The following UNC79 variants were observed in gnomAD, a reference collection of about 807,000 sequenced individuals.
The protein encoded by UNC79 is protein unc-79 homolog.
UNC79 carries 37 observed loss-of-function variants against 283.1 expected under a neutral mutation model. The ratio of observed to expected loss-of-function variants is 0.13; its 90% CI spans 0.10 to 0.17. The LOEUF (loss-of-function observed/expected upper bound fraction) is 0.17. Among genes scored for constraint, UNC79 ranks in the 10% least tolerant of loss-of-function variants. UNC79 has a pLI of 1.00. For missense variants in UNC79, 2,272 were observed against 3,211.1 expected (o/e 0.71, Z 7.07); for synonymous variants, 1,107 against 1,200.2 (o/e 0.92, Z 1.61).
intron 4 of UNC79, among the ~76,000 whole-genome samples, chr14:93,482,443 A>G (rs2058189768): frequency 1.3e-5 from 2 of 152,068 alleles, no homozygotes; most frequent in Non-Finnish European, 2.9e-5. Context: ...TGTTTAACTG[A>G]TAATGCCCTT....
intron 38 of UNC79, among the ~76,000 whole-genome samples, chr14:93,657,207 G>A (rs946209464): frequency 6.6e-6 from 1 of 152,260 alleles, no homozygotes; most frequent in South Asian, 2.1e-4. Context: ...CTGTGTATGT[G>A]TATAGCTACT....
chr14:93,459,314 C>T (rs1049529668), intron 1 of UNC79, among the ~76,000 whole-genome samples: 3 of 152,156 alleles, frequency 2.0e-5, no homozygotes, highest in Non-Finnish European at 4.4e-5. Context: ...TGAAAGGGGT[C>T]TGATTTTTCA....
intron 14 of UNC79, among the ~76,000 whole-genome samples, chr14:93,566,790 A>G (rs6575341): frequency 0.61 from 92,079 of 151,536 alleles, 28,619 homozygotes; most frequent in African/African-American, 0.65. Flanking sequence ...GGCACACACC[A>G]CCATGTCCAG....
intron 8 of UNC79, among the ~76,000 whole-genome samples, chr14:93,526,281 G>A (rs914274099): frequency 1.3e-5 from 2 of 152,150 alleles, no homozygotes; most frequent in African/African-American, 2.4e-5. Context: ...TTTACAGTGT[G>A]AGTCCGCCCA....
At chr14:93,706,715 G>A (rs369699711) in exon 49 of UNC79, 12 of 1,614,084 alleles carry the variant, frequency 7.4e-6, no homozygotes, top group South Asian at 2.2e-5. Flanking sequence ...ACTTATCTGC[G>A]GGACTCCAGC....
At position 93,690,498 on chromosome 14, in the gene UNC79, A is replaced by C; in HGVS notation, c.7272+195A>C. On this transcript the variant is annotated intron_variant, in intron 45 of 48. Coordinates refer to ENST00000555664, the Ensembl canonical transcript of UNC79. The surrounding 1 kb of genome is among the most constrained non-coding windows in gnomAD (Gnocchi z 4.3). ...CAGACTGTCTTTCCCCCCGCCCCCA[A>C]ATTGTTTTTCGGCTTACTTTTATAA... 1 of 571,824 alleles carries C rather than the reference A, an allele frequency of 1.7e-6. No individual in the cohort carries two copies. The highest frequency in any genetic ancestry group is 2.7e-6 in the Non-Finnish European group (1 of 363,970). The allele number at this position is 571,824 out of a possible 1,614,324, so 35.4% of individuals were successfully genotyped here. A position where few individuals can be genotyped will look rare whatever the true frequency, so the allele number is the denominator to read the frequency against.
intron 26 of UNC79, among the ~76,000 whole-genome samples, chr14:93,608,864 G>A (rs939193533): frequency 1.6e-4 from 24 of 152,274 alleles, no homozygotes; most frequent in Admixed American, 4.6e-4. Flanking sequence ...AGACATTTAT[G>A]TATAATAAGT....
intron 7 of UNC79, among the ~76,000 whole-genome samples, chr14:93,523,639 T>C (rs2060423272): frequency 6.6e-6 from 1 of 152,198 alleles, no homozygotes; most frequent in Non-Finnish European, 1.5e-5. Flanking sequence ...TATTCTTATA[T>C]GAAATGAGAT....
intron 1 of UNC79, among the ~76,000 whole-genome samples, chr14:93,374,710 TA>T (rs2054520762): frequency 6.6e-6 from 1 of 152,148 alleles, no homozygotes. Flanking sequence ...GGCTAATTTT[TA>T]AAAAATATTA....
rs1009005177 is a variant in UNC79, at chr14:93,641,589, G to T, written c.5903+342G>T. Among the ~76,000 whole-genome samples, 5 of 152,078 alleles carry T rather than the reference G, an allele frequency of 3.3e-5. No individual in the cohort carries two copies. In the South Asian group the frequency reaches 1.0e-3, roughly 32 times the overall value. Reference sequence around the variant, plus strand: ...GATCACTTGAGCCTGGGAGGTTGAGGCTGTGGTGAGCTGTGATAGCGCCAC... The same window carrying T: ...GATCACTTGAGCCTGGGAGGTTGAGTCTGTGGTGAGCTGTGATAGCGCCAC... On this transcript the variant is annotated intron_variant, in intron 33 of 48. Coordinates refer to ENST00000555664, the Ensembl canonical transcript of UNC79.
intron 1 of UNC79, among the ~76,000 whole-genome samples, chr14:93,409,016 G>A (rs1290074996): frequency 6.6e-6 from 1 of 152,074 alleles, no homozygotes; most frequent in Non-Finnish European, 1.5e-5. Flanking sequence ...ATAAAATTAG[G>A]AATAAAGAAA....
At chr14:93,574,952 TC>T in intron 16 of UNC79, 105 bp from the exon 17 acceptor site, 1 of 1,212,476 alleles carries the variant, frequency 8.2e-7, no homozygotes, top group East Asian at 2.5e-5. Context: ...AGGCTAATTA[TC>T]CTTATGTTCA....
Position 93,514,554 on chromosome 14 carries a change from C to T in UNC79, c.899-9424C>T, listed in dbSNP as rs978869825. 7.2e-5 allele frequency among the ~76,000 whole-genome samples: 11 copies of T among 152,316 alleles called. No homozygotes were observed. The South Asian group carries it at 1.0e-3, about 14-fold the overall frequency. ...TGCAGAAGTTTGCTCTGAGCACATG[C>T]GGGCCAAAGACCTGAGGGATGCCCT... On this transcript the variant is annotated intron_variant, in intron 7 of 48. Transcript: ENST00000555664.
At chr14:93,588,605 G>C (rs1458456689) in intron 22 of UNC79, among the ~76,000 whole-genome samples, 1 of 151,888 alleles carries the variant, frequency 6.6e-6, no homozygotes, top group Non-Finnish European at 1.5e-5. Flanking sequence ...GCTGGGCGTG[G>C]TGGTGGGCAC....
At chr14:93,529,094 A>T (rs910253145) in intron 9 of UNC79, among the ~76,000 whole-genome samples, 192 bp from the exon 10 acceptor site, 1 of 152,216 alleles carries the variant, frequency 6.6e-6, no homozygotes, top group East Asian at 1.9e-4. Flanking sequence ...ATAACTGAAT[A>T]TGATGAAGTG....
intron 1 of UNC79, among the ~76,000 whole-genome samples, chr14:93,349,141 G>A (rs1426745722): frequency 6.6e-6 from 1 of 152,134 alleles, no homozygotes; most frequent in Non-Finnish European, 1.5e-5. Context: ...ACAAACTCCG[G>A]ACACACACCA....
chr14:93,500,212 C>A (rs943866411), intron 7 of UNC79, among the ~76,000 whole-genome samples: 1 of 152,224 alleles, frequency 6.6e-6, no homozygotes, highest in Non-Finnish European at 1.5e-5. Context: ...CCTGTCTTCA[C>A]TGAAATAGCT....
intron 47 of UNC79, among the ~76,000 whole-genome samples, chr14:93,704,205 A>G (rs1448673764): frequency 6.6e-6 from 1 of 152,202 alleles, no homozygotes; most frequent in Non-Finnish European, 1.5e-5. Flanking sequence ...TAAGTGTTCC[A>G]TCCACTGACC....
intron 27 of UNC79, among the ~76,000 whole-genome samples, chr14:93,616,389 A>G (rs866099295): frequency 1.6e-3 from 194 of 121,122 alleles, no homozygotes; most frequent in African/African-American, 6.1e-3. Flanking sequence ...TTTTTTTGAG[A>G]CAGGGTCTCA....
Sources: allele counts gnomAD v4.1 joint callset (sites outside exome capture counted in the v4.1 genomes callset), GRCh38; gene constraint gnomAD v4.1.1; non-coding constraint Gnocchi (gnomAD v3.1); transcripts MANE v1.5; gene names NCBI Gene and HGNC (gene_info 2026-07-23, HGNC 2026-07-21).